CDKAL1: variants seen among roughly 807,000 people sequenced by gnomAD.
CDKAL1 encodes the protein threonylcarbamoyladenosine tRNA methylthiotransferase.
CDKAL1 carries 32 observed loss-of-function variants against 68.2 expected under a neutral mutation model. The ratio of observed to expected loss-of-function variants is 0.47; its 90% CI spans 0.35 to 0.63. The LOEUF (loss-of-function observed/expected upper bound fraction) is 0.63, where lower values mean the gene tolerates loss of function less well. Among genes scored for constraint, CDKAL1 ranks in the 30% least tolerant of loss-of-function variants. CDKAL1 has a pLI of 0.00. For synonymous variants in CDKAL1, 234 were observed against 244.3 expected (o/e 0.96, Z 0.39); for missense variants, 606 against 696.7 (o/e 0.87, Z 1.47).
At chr6:20,537,962 T>C (rs1763241610) in intron 2 of CDKAL1, among the ~76,000 whole-genome samples, 2 of 152,254 alleles carry the variant, frequency 1.3e-5, no homozygotes, top group South Asian at 4.1e-4. Context: ...ATTTAGGTAC[T>C]TATGATATAC....
At chr6:21,055,671 A>G (rs1396108171) in intron 11 of CDKAL1, among the ~76,000 whole-genome samples, 4 of 152,146 alleles carry the variant, frequency 2.6e-5, no homozygotes, top group Non-Finnish European at 5.9e-5. Context: ...GGCTTCTGAC[A>G]ATATCCATGT....
intron 9 of CDKAL1, among the ~76,000 whole-genome samples, chr6:20,898,874 C>T (rs918282231): frequency 6.6e-6 from 1 of 151,972 alleles, no homozygotes; most frequent in Non-Finnish European, 1.5e-5. Context: ...CAAGGGCTCC[C>T]AGGGTTTTCC....
At chr6:20,662,065 T>C (rs1174584952) in intron 5 of CDKAL1, among the ~76,000 whole-genome samples, 1 of 152,184 alleles carries the variant, frequency 6.6e-6, no homozygotes, top group Non-Finnish European at 1.5e-5. Context: ...TCTTGGTGTG[T>C]GTGTTTATAT....
intron 5 of CDKAL1, among the ~76,000 whole-genome samples, chr6:20,689,818 C>T (rs1269422804): frequency 1.3e-5 from 2 of 152,004 alleles, no homozygotes; most frequent in Non-Finnish European, 2.9e-5. Flanking sequence ...GCCATTTACC[C>T]CTCCCTGCAA....
intron 9 of CDKAL1, among the ~76,000 whole-genome samples, chr6:20,938,932 T>G (rs939237165): frequency 6.6e-6 from 1 of 152,174 alleles, no homozygotes; most frequent in African/African-American, 2.4e-5. Flanking sequence ...ACCTGTAGGC[T>G]CCTTCTTCCT....
intron 2 of CDKAL1, among the ~76,000 whole-genome samples, chr6:20,541,508 C>T (rs1338393422): frequency 6.6e-6 from 1 of 152,190 alleles, no homozygotes; most frequent in East Asian, 1.9e-4. Flanking sequence ...CTTCTGTTAA[C>T]ACTAGCGTAG....
Position 20,732,199 on chromosome 6 carries a change from T to C in CDKAL1, c.372-7320T>C, listed in dbSNP as rs144156613. ...TACCTGGGACTACAGGTGTGTACCA[T>C]CTTGCCTGGCTATGAGAACCATCTC... On this transcript the variant is annotated intron_variant, in intron 5 of 15. Coordinates refer to ENST00000274695, the MANE Select transcript of CDKAL1 (RefSeq NM_017774.3). 2.6e-3 allele frequency among the ~76,000 whole-genome samples: 401 copies of C among 151,454 alleles called. 1 individual carries two copies. Among genetic ancestry groups the C allele is most frequent in the African/African-American group, 9.1e-3 (376 of 41,262 alleles).
At chr6:20,746,091 A>G (rs1030150221) in intron 6 of CDKAL1, among the ~76,000 whole-genome samples, 12 of 152,154 alleles carry the variant, frequency 7.9e-5, no homozygotes, top group Non-Finnish European at 1.3e-4. Context: ...CCTCCCCGCT[A>G]CAGAAAGTTT....
chr6:21,115,718 C>G (rs571551413), intron 13 of CDKAL1, among the ~76,000 whole-genome samples: 7 of 152,318 alleles, frequency 4.6e-5, no homozygotes, highest in African/African-American at 1.7e-4. Context: ...GAAAACCATG[C>G]TCAGGGTATG....
intron 5 of CDKAL1, among the ~76,000 whole-genome samples, chr6:20,680,363 G>A (rs893806710): frequency 2.0e-5 from 3 of 152,122 alleles, no homozygotes; most frequent in African/African-American, 2.4e-5. Flanking sequence ...CACCACACCC[G>A]GTCTAATTTT....
chr6:20,726,381 T>A (rs1050832090), intron 5 of CDKAL1, among the ~76,000 whole-genome samples: 1 of 152,180 alleles, frequency 6.6e-6, no homozygotes, highest in African/African-American at 2.4e-5. Context: ...GCCTTTTGTT[T>A]CCCTAAAACA....
chr6:20,674,914 G>A (rs896929881), intron 5 of CDKAL1, among the ~76,000 whole-genome samples: 1 of 152,174 alleles, frequency 6.6e-6, no homozygotes, highest in Non-Finnish European at 1.5e-5. Context: ...TCCTCTTAGA[G>A]TTTTATCAGG....
chr6:21,044,793 G>A (rs184003515), intron 11 of CDKAL1, among the ~76,000 whole-genome samples: 1 of 107,232 alleles, frequency 9.3e-6, no homozygotes, highest in South Asian at 3.1e-4. Flanking sequence ...TGATGTCTCC[G>A]TGTCTTAATC....
intron 5 of CDKAL1, among the ~76,000 whole-genome samples, chr6:20,734,742 C>G (rs1414615746): frequency 6.6e-6 from 1 of 152,082 alleles, no homozygotes; most frequent in African/African-American, 2.4e-5. Context: ...AATTTTTTCC[C>G]CAAAGCCAAT....
At chr6:20,645,534 A>C (rs1581886271) in intron 4 of CDKAL1, among the ~76,000 whole-genome samples, 1 of 152,092 alleles carries the variant, frequency 6.6e-6, no homozygotes, top group East Asian at 1.9e-4. Context: ...GATTGAGACC[A>C]TCCTGGCCAA....
At chr6:21,033,146 A>T (rs1769387871) in intron 11 of CDKAL1, among the ~76,000 whole-genome samples, 1 of 152,104 alleles carries the variant, frequency 6.6e-6, no homozygotes, top group Non-Finnish European at 1.5e-5. Flanking sequence ...GATAATTAGG[A>T]TGAATTCAGA....
chr6:20,817,930 G>T (rs1460686955), intron 8 of CDKAL1, among the ~76,000 whole-genome samples: 4 of 152,116 alleles, frequency 2.6e-5, no homozygotes, highest in Non-Finnish European at 4.4e-5. Context: ...GTATTAGCAT[G>T]ATTGTAGCCT....
At chr6:21,009,487 G>T (rs2150836812) in intron 11 of CDKAL1, among the ~76,000 whole-genome samples, 3 of 152,294 alleles carry the variant, frequency 2.0e-5, no homozygotes, top group Admixed American at 2.0e-4. Context: ...ATGTGCTACA[G>T]CAGTCCCACT....
At chr6:21,019,128 T>C (rs530723204) in intron 11 of CDKAL1, among the ~76,000 whole-genome samples, 6 of 152,228 alleles carry the variant, frequency 3.9e-5, no homozygotes, top group East Asian at 1.9e-4. Flanking sequence ...TTTATATTTT[T>C]AGTAGAGATG....
Sources: allele counts gnomAD v4.1 joint callset (sites outside exome capture counted in the v4.1 genomes callset), GRCh38; gene constraint gnomAD v4.1.1; transcripts MANE v1.5; gene names NCBI Gene and HGNC (gene_info 2026-07-23, HGNC 2026-07-21).